Variants in FARS2 observed in about 807,000 individuals in gnomAD.
The protein encoded by FARS2 is phenylalanine--tRNA ligase, mitochondrial.
Under a neutral mutation model 46.4 loss-of-function variants are expected in FARS2, and 40 were observed. The ratio of observed to expected loss-of-function variants is 0.86; its 90% CI spans 0.67 to 1.12. FARS2 has a LOEUF of 1.12. Among genes scored for constraint, FARS2 ranks in the 50% most tolerant of loss-of-function variants. FARS2 has a pLI of 0.00. For missense variants in FARS2, 513 were observed against 567.9 expected (o/e 0.90, Z 0.98); for synonymous variants, 234 against 214.9 (o/e 1.09, Z -0.78).
intron 6 of FARS2, among the ~76,000 whole-genome samples, chr6:5,717,349 A>ATGTGTG (rs1340235389): frequency 5.5e-5 from 5 of 91,244 alleles, no homozygotes; most frequent in East Asian, 8.1e-4. Context: ...ATAGATATGT[A>ATGTGTG]TATGTGTGTG....
At chr6:5,535,861 T>G (rs1303254947) in intron 4 of FARS2, among the ~76,000 whole-genome samples, 1 of 152,208 alleles carries the variant, frequency 6.6e-6, no homozygotes, top group Admixed American at 6.5e-5. Flanking sequence ...TGAGCCATTC[T>G]TGCTTGCACT....
intron 1 of FARS2, among the ~76,000 whole-genome samples, chr6:5,357,505 A>G (rs1272345704): frequency 6.6e-6 from 1 of 152,186 alleles, no homozygotes; most frequent in African/African-American, 2.4e-5. Context: ...ACAGAAGACA[A>G]TTGGGAAGAG....
intron 1 of FARS2, among the ~76,000 whole-genome samples, chr6:5,286,904 C>T (rs775610349): frequency 1.1e-4 from 16 of 152,202 alleles, no homozygotes; most frequent in African/African-American, 2.9e-4. Flanking sequence ...AAACTCCTCC[C>T]GGGGCATGTT....
At chr6:5,683,922 C>T (rs1359757053) in intron 6 of FARS2, among the ~76,000 whole-genome samples, 2 of 152,160 alleles carry the variant, frequency 1.3e-5, no homozygotes, top group Admixed American at 1.3e-4. Context: ...TTTCCAGCTT[C>T]ATCTGTGTTG....
At chr6:5,407,066 T>A (rs11756229) in intron 3 of FARS2, among the ~76,000 whole-genome samples, 6,261 of 109,228 alleles carry the variant, frequency 0.057, 616 homozygotes, top group African/African-American at 0.17. Context: ...TATATATATA[T>A]AATGACCAAT....
intron 5 of FARS2, among the ~76,000 whole-genome samples, chr6:5,554,257 G>T (rs889769052): frequency 6.6e-6 from 1 of 152,172 alleles, no homozygotes; most frequent in Non-Finnish European, 1.5e-5. Flanking sequence ...AGATTTGCTT[G>T]TGCATGTTAA....
chr6:5,689,422 G>T (rs1169995506), intron 6 of FARS2, among the ~76,000 whole-genome samples: 1 of 152,106 alleles, frequency 6.6e-6, no homozygotes, highest in African/African-American at 2.4e-5. Flanking sequence ...TGGTTTCAAA[G>T]AACATCTTTA....
chr6:5,528,194 T>C (rs1207789165), intron 4 of FARS2, among the ~76,000 whole-genome samples: 1 of 152,078 alleles, frequency 6.6e-6, no homozygotes, highest in African/African-American at 2.4e-5. Flanking sequence ...TTTTTTAAAA[T>C]TTGTATTTAA....
At chr6:5,713,698 A>G (rs1759319777) in intron 6 of FARS2, among the ~76,000 whole-genome samples, 1 of 152,240 alleles carries the variant, frequency 6.6e-6, no homozygotes, top group Non-Finnish European at 1.5e-5. Flanking sequence ...GAGCACCGCT[A>G]AGCAGCACCG....
intron 6 of FARS2, among the ~76,000 whole-genome samples, chr6:5,671,095 A>G (rs1778433056): frequency 1.3e-5 from 2 of 152,242 alleles, no homozygotes; most frequent in Non-Finnish European, 2.9e-5. Flanking sequence ...AGCATAAGCT[A>G]AAATTATTTC....
chr6:5,688,854 TATTA>T (rs1411964449), intron 6 of FARS2, among the ~76,000 whole-genome samples: 4 of 152,218 alleles, frequency 2.6e-5, no homozygotes, highest in African/African-American at 9.7e-5. Flanking sequence ...GTTGGTAAGC[TATTA>T]ATTATTGCCT....
chr6:5,459,316 C>T lies in FARS2; in HGVS notation c.904+28144C>T, dbSNP rs144033727. ...TTTCACAACTCTTTTGGACAGAGTT[C>T]GTTGTTAGTGGTTGCTTCAAACTTT... On this transcript the variant is annotated intron_variant, in intron 4 of 6. Transcript: ENST00000274680. Among the ~76,000 whole-genome samples, 456 of 152,206 alleles carry T rather than the reference C, an allele frequency of 3.0e-3. 5 individuals are homozygous for T. The highest frequency in any genetic ancestry group is 0.024 in the Middle Eastern group (7 of 292).
intron 4 of FARS2, among the ~76,000 whole-genome samples, chr6:5,540,587 G>A (rs1290776782): frequency 6.6e-6 from 1 of 152,146 alleles, no homozygotes; most frequent in Non-Finnish European, 1.5e-5. Context: ...CCACTGTGTG[G>A]GAAGCACATG....
At chr6:5,767,396 A>G (rs377091486) in intron 6 of FARS2, among the ~76,000 whole-genome samples, 7 of 152,298 alleles carry the variant, frequency 4.6e-5, no homozygotes, top group South Asian at 4.1e-4. Flanking sequence ...TCTTTTGGCA[A>G]TTGTGAATAA....
chr6:5,679,001 G>A (rs750546630), intron 6 of FARS2, among the ~76,000 whole-genome samples: 4 of 152,132 alleles, frequency 2.6e-5, no homozygotes, highest in Non-Finnish European at 4.4e-5. Context: ...TCCAGAAGTG[G>A]TGCCCCTTGG....
rs191711383 is a variant in FARS2, at chr6:5,512,864, A to G, written c.905-32316A>G. On this transcript the variant is annotated intron_variant, in intron 4 of 6. Coordinates refer to ENST00000274680, the MANE Select transcript of FARS2 (RefSeq NM_006567.5). ...ATAGGTTGGGGACTGCAAATAGTTC[A>G]TTATGGCAGAAGCACAGGTCTCACA... Among the ~76,000 whole-genome samples the G allele has an allele frequency of 1.1e-4, 16 of 152,350 alleles. No homozygotes were observed. The East Asian group carries it at 3.1e-3, about 29-fold the overall frequency.
chr6:5,357,566 GT>G (rs1393218751), intron 1 of FARS2, among the ~76,000 whole-genome samples: 1 of 152,230 alleles, frequency 6.6e-6, no homozygotes, highest in Non-Finnish European at 1.5e-5. Flanking sequence ...ATAAGTTATG[GT>G]TTGCATAGAG....
At chr6:5,492,801 C>T (rs1767205131) in intron 4 of FARS2, among the ~76,000 whole-genome samples, 1 of 152,198 alleles carries the variant, frequency 6.6e-6, no homozygotes, top group Non-Finnish European at 1.5e-5. Flanking sequence ...GCCCGGCTTT[C>T]CCTGCAATCT....
intron 4 of FARS2, among the ~76,000 whole-genome samples, chr6:5,525,209 CTG>C (rs1398267711): frequency 7.5e-6 from 1 of 133,938 alleles, no homozygotes; most frequent in Non-Finnish European, 1.7e-5. Flanking sequence ...CATAAAAAAA[CTG>C]TTATTTTCTA....
Sources: allele counts gnomAD v4.1 joint callset (sites outside exome capture counted in the v4.1 genomes callset), GRCh38; gene constraint gnomAD v4.1.1; transcripts MANE v1.5; gene names NCBI Gene and HGNC (gene_info 2026-07-23, HGNC 2026-07-21).